SIPA1L1: variants seen among roughly 807,000 people sequenced by gnomAD.
SIPA1L1 encodes signal induced proliferation associated 1 like 1, also known as signal-induced proliferation-associated 1-like protein 1.
In SIPA1L1, 26 loss-of-function variants were observed where a neutral mutation model predicts 162.7. The observed-to-expected ratio is 0.16, with a 90% CI of 0.12 to 0.22. The LOEUF is 0.22. Ranked by LOEUF, SIPA1L1 falls within the 10% of genes least tolerant of loss-of-function variation. The pLI is 1.00. For missense variants in SIPA1L1, 1,874 were observed against 2,241.0 expected (o/e 0.84, Z 3.31); for synonymous variants, 829 against 837.4 (o/e 0.99, Z 0.17).
chr14:71,339,801 A>G (rs1317320293), intron 2 of SIPA1L1, among the ~76,000 whole-genome samples: 1 of 152,134 alleles, frequency 6.6e-6, no homozygotes, highest in African/African-American at 2.4e-5. Flanking sequence ...TTGAGTAACC[A>G]CTGTGTCAGG....
chr14:71,323,631 CTT>C (rs545512090), intron 2 of SIPA1L1, among the ~76,000 whole-genome samples: 212 of 150,190 alleles, frequency 1.4e-3, no homozygotes, highest in Non-Finnish European at 2.5e-3. Flanking sequence ...ATAGAGCACA[CTT>C]TTTTTTTTCC....
chr14:71,446,906 GTTTTTTT>G (rs1189940440), intron 2 of SIPA1L1, among the ~76,000 whole-genome samples: 3 of 53,242 alleles, frequency 5.6e-5, no homozygotes, highest in Non-Finnish European at 6.2e-5. Context: ...TTTTTTTTTT[GTTTTTTT>G]TTTTTTTTTT....
intron 13 of SIPA1L1, 110 bp from the exon 14 acceptor site, chr14:71,698,871 C>G: frequency 1.0e-6 from 1 of 956,002 alleles, no homozygotes; most frequent in East Asian, 4.8e-5. Flanking sequence ...TTTTCACTAT[C>G]TCCATGAAGT....
At chr14:71,727,000 G>C (rs1279620669) in intron 19 of SIPA1L1, among the ~76,000 whole-genome samples, 1 of 152,112 alleles carries the variant, frequency 6.6e-6, no homozygotes. Flanking sequence ...GATTTTCCTG[G>C]ATAGCCAGTG....
intron 4 of SIPA1L1, among the ~76,000 whole-genome samples, chr14:71,545,686 C>A (rs2055124381): frequency 1.3e-5 from 2 of 152,036 alleles, no homozygotes; most frequent in South Asian, 4.1e-4. Context: ...TTTTTAAACT[C>A]CTTTTTCTGG....
chr14:71,379,410 C>CT (rs1304331086), intron 2 of SIPA1L1: 4 of 151,776 alleles, frequency 2.6e-5, no homozygotes, highest in Non-Finnish European at 2.9e-5. Flanking sequence ...CCTGAGCAGT[C>CT]TTCCCACCTC....
At chr14:71,594,532 C>T (rs1235679520) in intron 5 of SIPA1L1, among the ~76,000 whole-genome samples, 1 of 152,066 alleles carries the variant, frequency 6.6e-6, no homozygotes, top group African/African-American at 2.4e-5. Flanking sequence ...AATTATTCTA[C>T]TTCTAGTTTT....
At chr14:71,522,983 T>A (rs1295230965) in intron 3 of SIPA1L1, among the ~76,000 whole-genome samples, 1 of 152,212 alleles carries the variant, frequency 6.6e-6, no homozygotes, top group African/African-American at 2.4e-5. Flanking sequence ...TTACTCTCTC[T>A]TTTAAGGTTT....
At chr14:71,502,437 G>T (rs1290483586) in intron 2 of SIPA1L1, among the ~76,000 whole-genome samples, 1 of 151,262 alleles carries the variant, frequency 6.6e-6, no homozygotes, top group East Asian at 1.9e-4. Flanking sequence ...TTTTAGTAGA[G>T]ACAGGGTCTC....
At chr14:71,584,338 G>A (rs746873306) in intron 4 of SIPA1L1, among the ~76,000 whole-genome samples, 1 of 152,202 alleles carries the variant, frequency 6.6e-6, no homozygotes, top group African/African-American at 2.4e-5. Flanking sequence ...CATTCTCAGG[G>A]ACTTGATATT....
intron 12 of SIPA1L1, among the ~76,000 whole-genome samples, chr14:71,676,854 A>C (rs565984852): frequency 6.6e-6 from 1 of 151,982 alleles, no homozygotes; most frequent in East Asian, 1.9e-4. Context: ...CATGTGCCAC[A>C]TTTTCTTAAT....
At chr14:71,362,906 AG>A (rs1386746364) in intron 2 of SIPA1L1, among the ~76,000 whole-genome samples, 3 of 152,212 alleles carry the variant, frequency 2.0e-5, no homozygotes, top group Non-Finnish European at 4.4e-5. Flanking sequence ...TTTTTTGAAA[AG>A]TGGCAACTTG....
intron 2 of SIPA1L1, among the ~76,000 whole-genome samples, chr14:71,374,616 T>C (rs1366592899): frequency 6.6e-6 from 1 of 151,786 alleles, no homozygotes; most frequent in Non-Finnish European, 1.5e-5. Context: ...TGTAAGTAAA[T>C]AGTAATACAA....
intron 2 of SIPA1L1, among the ~76,000 whole-genome samples, chr14:71,456,773 T>C (rs528227646): frequency 2.6e-5 from 4 of 152,206 alleles, no homozygotes; most frequent in South Asian, 2.1e-4. Context: ...ACGAATCCAG[T>C]TTTTAAAATA....
chr14:71,457,929 T>C (rs1240091185), intron 2 of SIPA1L1, among the ~76,000 whole-genome samples: 1 of 152,156 alleles, frequency 6.6e-6, no homozygotes, highest in African/African-American at 2.4e-5. Flanking sequence ...GAGTTCCTTA[T>C]ATGTCCTAGA....
chr14:71,399,195 C>T (rs1309792401), intron 2 of SIPA1L1, among the ~76,000 whole-genome samples: 1 of 152,148 alleles, frequency 6.6e-6, no homozygotes, highest in African/African-American at 2.4e-5. Context: ...TTCTGCTTTT[C>T]AAGTTTTTGT....
intron 7 of SIPA1L1, among the ~76,000 whole-genome samples, chr14:71,626,119 T>G (rs1567341258): frequency 6.6e-6 from 1 of 152,238 alleles, no homozygotes; most frequent in Non-Finnish European, 1.5e-5. Context: ...AGCATTAAAA[T>G]GTCCCTTCCT....
At chr14:71,367,631 A>T (rs2038459736) in intron 2 of SIPA1L1, among the ~76,000 whole-genome samples, 1 of 118,734 alleles carries the variant, frequency 8.4e-6, no homozygotes. Flanking sequence ...TTTTGGAGAC[A>T]GGTTTGCTCT....
Position 71,326,053 on chromosome 14 carries a change from C to G in SIPA1L1, c.-465+4872C>G, listed in dbSNP as rs115131536. Among the ~76,000 whole-genome samples the G allele has an allele frequency of 7.1e-3, 1,074 of 152,248 alleles. 11 individuals carry two copies. The highest frequency in any genetic ancestry group is 0.024 in the African/African-American group (1,013 of 41,534). ...GCTGCCATTGGATTCCTTTTTTCCT[C>G]TTTCCTCCCACAGAGCAGGTCTAGG... On this transcript the variant is annotated intron_variant, in intron 2 of 23. Transcript: ENST00000381232.
Sources: allele counts gnomAD v4.1 joint callset (sites outside exome capture counted in the v4.1 genomes callset), GRCh38; gene constraint gnomAD v4.1.1; transcripts MANE v1.5; gene names NCBI Gene and HGNC (gene_info 2026-07-23, HGNC 2026-07-21).